The following CNTN6 variants were observed in gnomAD, a reference collection of about 807,000 sequenced individuals.
CNTN6 encodes the protein contactin 6, also known as contactin-6.
A neutral mutation model predicts 122.8 loss-of-function variants in CNTN6; 137 were observed. The observed-to-expected ratio is 1.12, with a 90% CI of 0.97 to 1.29. The LOEUF (loss-of-function observed/expected upper bound fraction) is 1.29. Among genes scored for constraint, CNTN6 ranks in the 50% most tolerant of loss-of-function variants. The pLI is 0.00. For missense variants in CNTN6, 1,634 were observed against 1,223.4 expected (o/e 1.34, Z -5.01); for synonymous variants, 570 against 426.0 (o/e 1.34, Z -4.16).
intron 4 of CNTN6, among the ~76,000 whole-genome samples, chr3:1,266,315 AAGAC>A (rs2094925749): frequency 6.6e-6 from 1 of 152,146 alleles, no homozygotes; most frequent in Non-Finnish European, 1.5e-5. Flanking sequence ...TGTGATTCCA[AAGAC>A]CTTGCTTGGA....
intron 12 of CNTN6, among the ~76,000 whole-genome samples, chr3:1,365,907 G>A (rs1038439963): frequency 6.6e-6 from 1 of 152,006 alleles, no homozygotes; most frequent in African/African-American, 2.4e-5. Flanking sequence ...TAAATCCACA[G>A]TATTAGAGAA....
intron 4 of CNTN6, among the ~76,000 whole-genome samples, chr3:1,233,604 GTGCA>G (rs2094382915): frequency 6.6e-6 from 1 of 150,912 alleles, no homozygotes; most frequent in Non-Finnish European, 1.5e-5. Flanking sequence ...GTGTGGTGGT[GTGCA>G]CCTGTAATCC....
At chr3:1,185,476 A>C (rs1261499505) in intron 2 of CNTN6, among the ~76,000 whole-genome samples, 1 of 152,200 alleles carries the variant, frequency 6.6e-6, no homozygotes, top group Admixed American at 6.5e-5. Flanking sequence ...TTTGATAACC[A>C]CTGCATTAGC....
chr3:1,373,095 A>C (rs1464388094), intron 14 of CNTN6, 140 bp downstream of exon 14: 1 of 579,910 alleles, frequency 1.7e-6, no homozygotes, highest in East Asian at 2.9e-5. Context: ...TTTAAACCCC[A>C]GGACTCCATG....
intron 20 of CNTN6, among the ~76,000 whole-genome samples, chr3:1,390,021 G>A (rs1368311002): frequency 6.6e-6 from 1 of 151,558 alleles, no homozygotes; most frequent in Admixed American, 6.6e-5. Context: ...AGTCAACAAG[G>A]ATACCCAGGA....
At chr3:1,351,801 G>A (rs1484816593) in intron 11 of CNTN6, among the ~76,000 whole-genome samples, 1 of 151,714 alleles carries the variant, frequency 6.6e-6, no homozygotes, top group Non-Finnish European at 1.5e-5. Context: ...TCTGGCCATG[G>A]AACCATATAG....
chr3:1,143,627 G>T (rs569302334), intron 1 of CNTN6, among the ~76,000 whole-genome samples: 1 of 152,262 alleles, frequency 6.6e-6, no homozygotes, highest in Admixed American at 6.5e-5. Flanking sequence ...CTACATTGTT[G>T]TCATTGAGCC....
chr3:1,320,640 T>A (rs1700717879), intron 7 of CNTN6, among the ~76,000 whole-genome samples: 1 of 151,770 alleles, frequency 6.6e-6, no homozygotes, highest in Admixed American at 6.6e-5. Flanking sequence ...TCTAAAAATC[T>A]ATAAGGGAAT....
intron 20 of CNTN6, chr3:1,394,572 T>G (rs1694746711): frequency 6.6e-6 from 1 of 152,322 alleles, no homozygotes; most frequent in Non-Finnish European, 1.5e-5. Flanking sequence ...TTGAAGTCGC[T>G]CTGTATATAT....
intron 2 of CNTN6, among the ~76,000 whole-genome samples, chr3:1,181,485 A>G (rs778500757): frequency 4.6e-5 from 7 of 152,178 alleles, no homozygotes; most frequent in Non-Finnish European, 8.8e-5. Context: ...CAAAAGTGGC[A>G]AAACAAATAT....
intron 2 of CNTN6, among the ~76,000 whole-genome samples, chr3:1,166,499 AT>A (rs1449247575): frequency 6.6e-6 from 1 of 152,114 alleles, no homozygotes; most frequent in Non-Finnish European, 1.5e-5. Context: ...ACAGATTAAA[AT>A]TTTTTTTAAG....
At chr3:1,271,532 G>A (rs888079100) in intron 4 of CNTN6, among the ~76,000 whole-genome samples, 1 of 152,154 alleles carries the variant, frequency 6.6e-6, no homozygotes, top group Middle Eastern at 3.2e-3. Flanking sequence ...ATGTGCTGGT[G>A]GGCGGTGCAT....
At chr3:1,212,477 A>G (rs2094056699) in intron 2 of CNTN6, among the ~76,000 whole-genome samples, 1 of 148,754 alleles carries the variant, frequency 6.7e-6, no homozygotes, top group African/African-American at 2.5e-5. Flanking sequence ...ATACACATAC[A>G]TGTGTGTGTA....
At position 1,265,489 on chromosome 3, in the gene CNTN6, C is replaced by G. The variant is rs573510026; in HGVS notation, c.359-12924C>G. 3.3e-4 allele frequency among the ~76,000 whole-genome samples: 50 copies of G among 152,268 alleles called. 1 individual carries two copies. The highest frequency in any genetic ancestry group is 1.2e-3 in the African/African-American group (49 of 41,564). On this transcript the variant is annotated intron_variant, in intron 4 of 22. Coordinates refer to ENST00000446702, the MANE Select transcript of CNTN6 (RefSeq NM_001289080.2). ...CAAGAGTAGAAATGTTTTCTTAATT[C>G]TGTCCCTCACACAACACACTTGATA... is the stretch of plus-strand genomic sequence containing the variant.
At chr3:1,238,675 A>T (rs906484234) in intron 4 of CNTN6, among the ~76,000 whole-genome samples, 1 of 152,214 alleles carries the variant, frequency 6.6e-6, no homozygotes, top group Non-Finnish European at 1.5e-5. Context: ...TCTCCAACAT[A>T]GACCATACGA....
Position 1,111,654 on chromosome 3 carries a change from G to A in CNTN6, c.-83+18534G>A, listed in dbSNP as rs149801803. 6.4e-4 allele frequency among the ~76,000 whole-genome samples: 97 copies of A among 152,290 alleles called. 2 individuals are homozygous for A. The East Asian group carries it at 0.016, about 25-fold the overall frequency. On this transcript the variant is annotated intron_variant, in intron 1 of 22. Transcript: ENST00000446702. ...GGTGAAACAGTGATGCTCAACATCT[G>A]TCAATTACTGAGTGTGAGGTAGTTT...
At chr3:1,224,863 A>G (rs1283186774) in intron 3 of CNTN6, among the ~76,000 whole-genome samples, 3 of 152,266 alleles carry the variant, frequency 2.0e-5, no homozygotes, top group African/African-American at 7.2e-5. Flanking sequence ...CTCCTGCCTC[A>G]GCCTCCCGAG....
At chr3:1,231,708 A>C (rs1387094571) in intron 4 of CNTN6, among the ~76,000 whole-genome samples, 5 of 152,214 alleles carry the variant, frequency 3.3e-5, no homozygotes, top group African/African-American at 1.2e-4. Context: ...GTATATTTTG[A>C]ATTATTTGAT....
At chr3:1,402,061 A>G (rs1004368007) in intron 21 of CNTN6, among the ~76,000 whole-genome samples, 2 of 151,982 alleles carry the variant, frequency 1.3e-5, no homozygotes, top group African/African-American at 4.8e-5. Context: ...AGCAAGCTCC[A>G]ATGATAATAG....
Sources: allele counts gnomAD v4.1 joint callset (sites outside exome capture counted in the v4.1 genomes callset), GRCh38; gene constraint gnomAD v4.1.1; transcripts MANE v1.5; gene names NCBI Gene and HGNC (gene_info 2026-07-23, HGNC 2026-07-21).